SHANK2: variants seen among roughly 807,000 people sequenced by gnomAD.
SHANK2 encodes the protein SH3 and multiple ankyrin repeat domains 2.
Under a neutral mutation model 133.7 loss-of-function variants are expected in SHANK2, and 43 were observed. The ratio of observed to expected loss-of-function variants is 0.32; its 90% CI spans 0.25 to 0.41. SHANK2 has a LOEUF of 0.41. Ranked by LOEUF, SHANK2 falls within the 10% of genes least tolerant of loss-of-function variation. The probability of loss-of-function intolerance (pLI) is 1.00; values close to 1 mark genes in which losing one functional copy is unlikely to be tolerated. For missense variants in SHANK2, 1,994 were observed against 2,235.8 expected (o/e 0.89, Z 2.18); for synonymous variants, 1,017 against 952.8 (o/e 1.07, Z -1.24).
chr11:71,191,922 G>A (rs1018907329), intron 2 of SHANK2, among the ~76,000 whole-genome samples: 9 of 152,042 alleles, frequency 5.9e-5, no homozygotes, highest in African/African-American at 2.2e-4. Flanking sequence ...GTGCAGTGAC[G>A]TGATCTCAGT....
intron 17 of SHANK2, among the ~76,000 whole-genome samples, chr11:70,610,664 G>T (rs995792068): frequency 6.6e-6 from 1 of 152,220 alleles, no homozygotes; most frequent in African/African-American, 2.4e-5. Flanking sequence ...CGGCTCCAGC[G>T]GATGGGACAG....
chr11:70,717,916 A>C (rs1945978041), intron 14 of SHANK2, among the ~76,000 whole-genome samples: 1 of 152,200 alleles, frequency 6.6e-6, no homozygotes, highest in Non-Finnish European at 1.5e-5. Flanking sequence ...TTCATCCATG[A>C]GGAAGTTCAC....
At chr11:70,925,656 G>A (rs1450341214) in intron 10 of SHANK2, among the ~76,000 whole-genome samples, 5 of 152,236 alleles carry the variant, frequency 3.3e-5, no homozygotes, top group African/African-American at 1.2e-4. Context: ...AGCCGGATTT[G>A]CACAGCGTGC....
intron 2 of SHANK2, among the ~76,000 whole-genome samples, chr11:71,169,438 A>G (rs79351330): frequency 0.038 from 5,768 of 152,288 alleles, 152 homozygotes; most frequent in Non-Finnish European, 0.051. Flanking sequence ...ATGTATGTAC[A>G]TAAGTCTACA....
intron 2 of SHANK2, among the ~76,000 whole-genome samples, chr11:71,169,446 A>G (rs1420289006): frequency 6.6e-6 from 1 of 152,200 alleles, no homozygotes; most frequent in Non-Finnish European, 1.5e-5. Flanking sequence ...ACATAAGTCT[A>G]CACAGAATGT....
At chr11:70,671,002 GC>G (rs1276462565) in intron 15 of SHANK2, among the ~76,000 whole-genome samples, 1 of 152,226 alleles carries the variant, frequency 6.6e-6, no homozygotes, top group African/African-American at 2.4e-5. Flanking sequence ...AAAACGCCCT[GC>G]CCGGCGCTTA....
rs782594460 is a variant in SHANK2 at position 70,490,340 on chromosome 11, A to G, written c.2487T>C (p.Pro829=). 2.5e-6 allele frequency: 4 copies of G among 1,614,082 alleles called. No homozygotes were observed. Among genetic ancestry groups the G allele is most frequent in the Non-Finnish European group, 3.4e-6 (4 of 1,180,044 alleles). The change falls in exon 23 of 26, where the codon CCT becomes CCC. Residue 829 remains proline, a synonymous_variant. Coordinates refer to ENST00000601538, the MANE Select transcript of SHANK2 (RefSeq NM_012309.5). Reference sequence around the variant, plus strand: ...CCAGAAACGGGGCTTTTGGGCTCCCAGGAACAGTGGGCGTCATCACGGCGA... The same window carrying G: ...CCAGAAACGGGGCTTTTGGGCTCCCGGGAACAGTGGGCGTCATCACGGCGA... The part of the protein sequence containing the change: ...QGIAVMTPTV[P]GSPKAPFLGI...
At chr11:70,679,547 G>A (rs1256782572) in intron 15 of SHANK2, among the ~76,000 whole-genome samples, 1 of 152,242 alleles carries the variant, frequency 6.6e-6, no homozygotes, top group Non-Finnish European at 1.5e-5. Context: ...CCCATGACCA[G>A]TACAAAGGGC....
At chr11:70,508,048 T>C (rs569082533) in intron 17 of SHANK2, among the ~76,000 whole-genome samples, 1 of 152,312 alleles carries the variant, frequency 6.6e-6, no homozygotes, top group Admixed American at 6.5e-5. Flanking sequence ...GCACAGGCCG[T>C]GACAGTGTGC....
At chr11:70,798,602 G>A in intron 13 of SHANK2, 46 bp from the exon 14 acceptor site, 1 of 716,810 alleles carries the variant, frequency 1.4e-6, no homozygotes, top group East Asian at 2.7e-5. Flanking sequence ...GGGACGTGGA[G>A]GGCCTGAGGT....
At chr11:71,206,674 G>T (rs182592382) in intron 2 of SHANK2, among the ~76,000 whole-genome samples, 23 of 152,304 alleles carry the variant, frequency 1.5e-4, no homozygotes, top group African/African-American at 4.3e-4. Flanking sequence ...AGTGGCTCAT[G>T]TCTGTACCCC....
chr11:70,495,226 G>T (rs1203598876), intron 21 of SHANK2, among the ~76,000 whole-genome samples: 1 of 152,186 alleles, frequency 6.6e-6, no homozygotes, highest in Non-Finnish European at 1.5e-5. Context: ...TCCCTGGGCT[G>T]CACGGGCTGG....
In SHANK2 at chr11:70,602,936, C is replaced by T. The variant is rs558951707; in HGVS notation, c.2061+56892G>A. On this transcript the variant is annotated intron_variant, in intron 17 of 25. Transcript: ENST00000601538. ...CTACACAGGTGGGAAAATGAATAAACGAGACACACACACCGGGGAGGCAGA... is the reference window on the plus strand; with the variant it reads ...CTACACAGGTGGGAAAATGAATAAATGAGACACACACACCGGGGAGGCAGA... Among the ~76,000 whole-genome samples, 3 of 152,282 alleles carry T rather than the reference C, an allele frequency of 2.0e-5. No individual in the cohort carries two copies. The East Asian group carries it at 5.8e-4, about 29-fold the overall frequency.
chr11:70,654,758 T>C (rs1294236384), intron 17 of SHANK2, among the ~76,000 whole-genome samples: 1 of 148,820 alleles, frequency 6.7e-6, no homozygotes, highest in East Asian at 2.0e-4. Context: ...CCTGGTTTTG[T>C]TTTTGTTTTT....
chr11:70,806,720 C>G (rs1257134839), intron 13 of SHANK2, among the ~76,000 whole-genome samples: 1 of 152,200 alleles, frequency 6.6e-6, no homozygotes, highest in Non-Finnish European at 1.5e-5. Flanking sequence ...CTCTTCGATG[C>G]CCTCATCTGG....
chr11:71,243,112 G>T (rs1555124607), intron 1 of SHANK2, among the ~76,000 whole-genome samples: 1 of 152,138 alleles, frequency 6.6e-6, no homozygotes, highest in East Asian at 1.9e-4. Context: ...TTAAAAAGAA[G>T]AAAAATCTCA....
In SHANK2 at chr11:70,678,418, GCCACCACGC is replaced by G. The variant is rs567070327; in HGVS notation, c.1854-16749_1854-16741del. Reference sequence around the variant, plus strand: ...CAAGGTGCTGGGATTCCAGGCATGAGCCACCACGCCCAGCCTCCTGCCTGTTCTTTATTA... The same window carrying G: ...CAAGGTGCTGGGATTCCAGGCATGAGCCAGCCTCCTGCCTGTTCTTTATTA... On this transcript the variant is annotated intron_variant, in intron 15 of 25. Transcript: ENST00000601538. Among the ~76,000 whole-genome samples, 423 of 151,848 alleles carry G rather than the reference GCCACCACGC, an allele frequency of 2.8e-3. 2 individuals are homozygous for G. The highest frequency in any genetic ancestry group is 6.0e-3 in the Admixed American group (92 of 15,252).
intron 11 of SHANK2, among the ~76,000 whole-genome samples, chr11:70,867,931 C>T (rs1949394601): frequency 6.6e-6 from 1 of 152,208 alleles, no homozygotes. Context: ...AGTGTGTTTG[C>T]TACCACTTAA....
At chr11:71,181,000 A>C (rs1565499079) in intron 2 of SHANK2, among the ~76,000 whole-genome samples, 1 of 151,838 alleles carries the variant, frequency 6.6e-6, no homozygotes, top group Non-Finnish European at 1.5e-5. Flanking sequence ...CACACAAAAA[A>C]CAGCAGCGAA....
Sources: allele counts gnomAD v4.1 joint callset (sites outside exome capture counted in the v4.1 genomes callset), GRCh38; gene constraint gnomAD v4.1.1; transcripts MANE v1.5; gene names NCBI Gene and HGNC (gene_info 2026-07-23, HGNC 2026-07-21).